Variants in GLIS3 observed in about 807,000 individuals in gnomAD.
GLIS3 encodes zinc finger protein GLIS3.
A neutral mutation model predicts 78.6 loss-of-function variants in GLIS3; 53 were observed. That is an observed-to-expected ratio of 0.67 (90% CI 0.54 to 0.85). The LOEUF (loss-of-function observed/expected upper bound fraction) is 0.85. Ranked by LOEUF, GLIS3 falls within the 40% of genes least tolerant of loss-of-function variation. GLIS3 has a pLI of 0.00. For missense variants in GLIS3, 1,703 were observed against 1,231.1 expected (o/e 1.38, Z -5.74); for synonymous variants, 684 against 509.9 (o/e 1.34, Z -4.60).
At position 4,155,793 on chromosome 9, in the gene GLIS3, T is replaced by C. The variant is rs187870125; in HGVS notation, c.389-29852A>G. ...GCCCATCCCAGAGTTTCTGATTCAA[T>C]GGGTGTACGGTGGGACCTGAGATTT... On this transcript the variant is annotated intron_variant, in intron 2 of 10. Transcript: ENST00000381971. Among the ~76,000 whole-genome samples the C allele has an allele frequency of 1.6e-4, 25 of 152,244 alleles. 1 individual carries two copies. Among genetic ancestry groups the C allele is most frequent in the African/African-American group, 5.8e-4 (24 of 41,542 alleles).
intron 2 of GLIS3, among the ~76,000 whole-genome samples, chr9:4,180,871 G>A (rs541440804): frequency 8.4e-4 from 128 of 152,272 alleles, no homozygotes; most frequent in African/African-American, 3.0e-3. Flanking sequence ...CCAAGCACAG[G>A]TGCTGGTCCC....
chr9:3,980,004 C>T lies in GLIS3; in HGVS notation c.1711-42815G>A, dbSNP rs1195339906. 5.9e-5 allele frequency among the ~76,000 whole-genome samples: 9 copies of T among 151,968 alleles called. No homozygotes were observed. The South Asian group carries it at 1.5e-3, about 25-fold the overall frequency. On this transcript the variant is annotated intron_variant, in intron 4 of 10. Coordinates refer to ENST00000381971, the MANE Select transcript of GLIS3 (RefSeq NM_001042413.2). Reference sequence around the variant, plus strand: ...AAAAGAGAGGGTGGGGTGGACTTGCCGTTTAGGAGTCTGGGGTCAGAGGAG... The same window carrying T: ...AAAAGAGAGGGTGGGGTGGACTTGCTGTTTAGGAGTCTGGGGTCAGAGGAG...
intron 2 of GLIS3, among the ~76,000 whole-genome samples, chr9:4,340,859 C>T (rs532869776): frequency 9.9e-5 from 15 of 152,224 alleles, no homozygotes; most frequent in African/African-American, 3.6e-4. Flanking sequence ...CCCCTCCTGG[C>T]TAATTTTTGT....
At chr9:4,334,945 G>A (rs1003699657) in intron 2 of GLIS3, among the ~76,000 whole-genome samples, 4 of 109,554 alleles carry the variant, frequency 3.7e-5, no homozygotes, top group Non-Finnish European at 6.8e-5. Context: ...GTCTTGCTCT[G>A]TCACCCAGGC....
At chr9:4,163,134 C>G (rs1564137365) in intron 2 of GLIS3, among the ~76,000 whole-genome samples, 1 of 152,208 alleles carries the variant, frequency 6.6e-6, no homozygotes, top group African/African-American at 2.4e-5. Context: ...AGAGATAAAG[C>G]AATCAGCTCT....
chr9:4,282,963 T>C (rs1827684235), intron 2 of GLIS3, among the ~76,000 whole-genome samples: 1 of 152,098 alleles, frequency 6.6e-6, no homozygotes, highest in South Asian at 2.1e-4. Context: ...CCCCTACCTA[T>C]GTGGAACCAG....
intron 2 of GLIS3, among the ~76,000 whole-genome samples, chr9:4,247,539 A>C (rs1823912323): frequency 6.6e-6 from 1 of 152,210 alleles, no homozygotes; most frequent in Admixed American, 6.5e-5. Context: ...CCATCCACAG[A>C]TTCCCTAGGA....
At chr9:4,199,507 T>C (rs1248406075) in intron 2 of GLIS3, among the ~76,000 whole-genome samples, 2 of 149,820 alleles carry the variant, frequency 1.3e-5, no homozygotes, top group Non-Finnish European at 3.0e-5. Flanking sequence ...ATGATATAAC[T>C]TATATCATAT....
intron 2 of GLIS3, among the ~76,000 whole-genome samples, chr9:4,246,751 T>C (rs117552013): frequency 6.6e-6 from 1 of 152,242 alleles, no homozygotes; most frequent in African/African-American, 2.4e-5. Context: ...ATGTGGCCTG[T>C]TGTAGCAGCT....
chr9:4,376,946 G>A, the GLIS3 span, among the ~76,000 whole-genome samples: 6 of 134,930 alleles, frequency 4.4e-5, 1 homozygote, highest in Non-Finnish European at 1.0e-4. Context: ...CAATGGCAAA[G>A]GATGCAGGCT....
chr9:4,156,762 G>A (rs1239520044), intron 2 of GLIS3, among the ~76,000 whole-genome samples: 1 of 152,048 alleles, frequency 6.6e-6, no homozygotes, highest in Non-Finnish European at 1.5e-5. Flanking sequence ...GAGGACCCTG[G>A]ATATGCTGAA....
the GLIS3 span, among the ~76,000 whole-genome samples, chr9:4,465,569 A>G: frequency 1.6e-4 from 24 of 152,298 alleles, no homozygotes; most frequent in African/African-American, 5.8e-4. Flanking sequence ...AAAAAAGAAA[A>G]GATAATAAAT....
intron 2 of GLIS3, among the ~76,000 whole-genome samples, chr9:4,166,389 C>G (rs995973574): frequency 1.3e-5 from 2 of 152,178 alleles, no homozygotes; most frequent in African/African-American, 4.8e-5. Flanking sequence ...AGAAAAACCA[C>G]AGAACAAGGC....
In GLIS3 at chr9:4,044,594, G is replaced by C. The variant is rs547324734; in HGVS notation, c.1710+73174C>G. On this transcript the variant is annotated intron_variant, in intron 4 of 10. Transcript: ENST00000381971. ...CTTTTTGCTGGCCAGCACATGGAGT[G>C]ACTGTCTTTGGGTCAGGTGCACATT... 4.7e-4 allele frequency among the ~76,000 whole-genome samples: 72 copies of C among 152,276 alleles called. 1 individual carries two copies. The highest frequency in any genetic ancestry group is 1.7e-3 in the African/African-American group (71 of 41,562).
chr9:4,349,587 G>C (rs189953854), upstream of GLIS3, among the ~76,000 whole-genome samples: 43 of 152,222 alleles, frequency 2.8e-4, no homozygotes, highest in African/African-American at 9.4e-4. Context: ...TGTTAATTTA[G>C]ATTGCATTTA....
At chr9:4,336,397 A>G (rs1324057946) in intron 2 of GLIS3, among the ~76,000 whole-genome samples, 1 of 152,108 alleles carries the variant, frequency 6.6e-6, no homozygotes, top group Admixed American at 6.6e-5. Flanking sequence ...AGGCCAGGTC[A>G]CCAATACTCT....
the GLIS3 span, among the ~76,000 whole-genome samples, chr9:4,369,534 G>A: frequency 6.6e-6 from 1 of 152,174 alleles, no homozygotes; most frequent in Non-Finnish European, 1.5e-5. Context: ...TGGTGCCACA[G>A]GAAGAACATT....
At chr9:4,417,643 T>A in the GLIS3 span, among the ~76,000 whole-genome samples, 1 of 152,196 alleles carries the variant, frequency 6.6e-6, no homozygotes, top group Admixed American at 6.5e-5. Context: ...TATCTTGTAG[T>A]GAAATTGCTA....
chr9:4,063,973 G>A (rs1360546501), intron 4 of GLIS3, among the ~76,000 whole-genome samples: 1 of 152,124 alleles, frequency 6.6e-6, no homozygotes, highest in Non-Finnish European at 1.5e-5. Context: ...AAACAGAAAA[G>A]GTCCTGTTCC....
Sources: allele counts gnomAD v4.1 joint callset (sites outside exome capture counted in the v4.1 genomes callset), GRCh38; gene constraint gnomAD v4.1.1; transcripts MANE v1.5; gene names NCBI Gene and HGNC (gene_info 2026-07-23, HGNC 2026-07-21).